SHROOM2: variants seen among roughly 807,000 people sequenced by gnomAD.
The protein encoded by SHROOM2 is shroom family member 2.
Under a neutral mutation model 75.9 loss-of-function variants are expected in SHROOM2, and 33 were observed. The ratio of observed to expected loss-of-function variants is 0.43; its 90% confidence interval spans 0.33 to 0.58. The LOEUF (loss-of-function observed/expected upper bound fraction) is 0.58, where lower values mean the gene tolerates loss of function less well. Among genes scored for constraint, SHROOM2 ranks in the 20% least tolerant of loss-of-function variants. SHROOM2 has a pLI of 0.04. For synonymous variants in SHROOM2, 655 were observed against 663.6 expected (o/e 0.99, Z 0.20); for missense variants, 1,434 against 1,461.2 (o/e 0.98, Z 0.30).
intron 7 of SHROOM2, among the ~76,000 whole-genome samples, chrX:9,938,394 G>T (rs1382721079): frequency 9.1e-6 from 1 of 110,114 alleles, no homozygotes; most frequent in African/African-American, 3.3e-5. Context: ...TCTACAAAAA[G>T]TACAAAAAAT....
At chrX:9,835,170 C>T (rs1247895268) in intron 1 of SHROOM2, among the ~76,000 whole-genome samples, 1 of 112,799 alleles carries the variant, frequency 8.9e-6, no homozygotes, top group Non-Finnish European at 1.9e-5. Context: ...CATATCATTT[C>T]AAACTGGGAG....
At chrX:9,865,911 C>T (rs1391680303) in intron 1 of SHROOM2, among the ~76,000 whole-genome samples, 2 of 109,244 alleles carry the variant, frequency 1.8e-5, no homozygotes, top group Non-Finnish European at 3.8e-5. Context: ...CAGGTTGAGC[C>T]GACAGCCTGG....
chrX:9,830,584 CTTTTTTTTTTTTTTT>C (rs1166769024), intron 1 of SHROOM2, among the ~76,000 whole-genome samples: 524 of 33,671 alleles, frequency 0.016, 11 homozygotes, highest in African/African-American at 0.059. Flanking sequence ...CCCCTGGTTT[CTTTTTTTTTTTTTTT>C]TTTTTTTTTT....
chrX:9,863,190 C>T (rs1165290688), intron 1 of SHROOM2, among the ~76,000 whole-genome samples: 4 of 111,590 alleles, frequency 3.6e-5, no homozygotes, highest in Admixed American at 1.9e-4. Flanking sequence ...CTGCCCGTTT[C>T]TCCCAGTCAC....
chrX:9,891,681 T>TG lies in SHROOM2; in HGVS notation c.449+580dup, dbSNP rs762455951. Among the ~76,000 whole-genome samples, 724 of 110,356 alleles carry TG rather than the reference T, an allele frequency of 6.6e-3. 6 individuals are homozygous for TG. Among genetic ancestry groups the TG allele is most frequent in the African/African-American group, 0.023 (684 of 30,359 alleles). On this transcript the variant is annotated intron_variant, in intron 3 of 9. Transcript: ENST00000380913. ...GTGTATGTTTACGGGTGTGAGTGTG[T>TG]GGGGGGGTGTGAGTGTGCATGTGTA...
Position 9,949,054 on chromosome X carries a change from A to G in SHROOM2, c.*2117A>G. 1 of 198,244 alleles carries G rather than the reference A, an allele frequency of 5.0e-6. No homozygotes were observed. 16.3% of individuals were successfully genotyped at this position (198,244 alleles called of 1,213,427 possible). A position where few individuals can be genotyped will look rare whatever the true frequency, so the allele number is the denominator to read the frequency against. ...CTTTTTAGGACTTTCTCTTCTACAC[A>G]GCAATACGTCGTGCTCGAGTATCCT... On this transcript the variant is annotated 3_prime_UTR_variant, in exon 10 of 10. Transcript: ENST00000380913.
intron 1 of SHROOM2, among the ~76,000 whole-genome samples, chrX:9,848,586 A>G (rs2084020877): frequency 9.3e-6 from 1 of 107,698 alleles, no homozygotes; most frequent in Admixed American, 1.0e-4. Context: ...TAGAGATAAA[A>G]CTCTCTTTAT....
At chrX:9,862,126 G>C (rs769078017) in intron 1 of SHROOM2, among the ~76,000 whole-genome samples, 9 of 111,780 alleles carry the variant, frequency 8.1e-5, no homozygotes, top group African/African-American at 2.9e-4. Context: ...TTTACATTAC[G>C]GCTCTTTGTG....
chrX:9,809,627 T>A (rs374330687), intron 1 of SHROOM2, among the ~76,000 whole-genome samples: 2 of 112,541 alleles, frequency 1.8e-5, no homozygotes, highest in East Asian at 5.6e-4. Context: ...CCAACCCAAA[T>A]ACTATTACAT....
chrX:9,816,994 CGTT>C lies in SHROOM2; in HGVS notation c.165+30287_165+30289del, dbSNP rs749031161. 4.7e-3 allele frequency among the ~76,000 whole-genome samples: 520 copies of C among 110,605 alleles called. 5 individuals carry two copies. Among genetic ancestry groups the C allele is most frequent in the African/African-American group, 0.016 (486 of 30,351 alleles). On this transcript the variant is annotated intron_variant, in intron 1 of 9. Transcript: ENST00000380913. ...TTTTCTTTTTCTTTTTTTTAAGAGA[CGTT>C]GTCCTGCTCTGTTGCCCAAGCTGGA...
intron 1 of SHROOM2, among the ~76,000 whole-genome samples, chrX:9,867,600 TTCCCTAAGGTGCC>T: frequency 9.0e-6 from 1 of 111,356 alleles, no homozygotes; most frequent in East Asian, 2.8e-4. Flanking sequence ...ATGCGGCACC[TTCCCTAAGGTGCC>T]TAATTAAGCC....
intron 1 of SHROOM2, among the ~76,000 whole-genome samples, chrX:9,837,201 G>A (rs779965267): frequency 1.8e-5 from 2 of 112,586 alleles, no homozygotes; most frequent in African/African-American, 6.5e-5. Context: ...GGGGGTCTCG[G>A]CTCTGGAAGT....
chrX:9,891,411 C>T (rs908167255), intron 3 of SHROOM2, among the ~76,000 whole-genome samples: 3 of 112,310 alleles, frequency 2.7e-5, no homozygotes, highest in Non-Finnish European at 5.6e-5. Context: ...CCACGGCACC[C>T]CTCTCCTTTC....
At position 9,908,279 on chromosome X, in the gene SHROOM2, A is replaced by G. The variant is rs1258823166; in HGVS notation, c.2891+9989A>G. 2.7e-5 allele frequency among the ~76,000 whole-genome samples: 3 copies of G among 111,926 alleles called. No individual in the cohort carries two copies. In the East Asian group the frequency reaches 8.4e-4, roughly 31 times the overall value. On this transcript the variant is annotated intron_variant, in intron 5 of 9. Coordinates refer to ENST00000380913, the MANE Select transcript of SHROOM2 (RefSeq NM_001649.4). ...TGTCCTTGGACCACATGGGCTGGGC[A>G]TGCCCCTCAATTCATGGAAAGTGAC...
chrX:9,823,014 TCTCCTTCTC>T (rs1319268229), intron 1 of SHROOM2, among the ~76,000 whole-genome samples: 1 of 63,476 alleles, frequency 1.6e-5, no homozygotes, highest in Admixed American at 2.2e-4. Context: ...TTCTTCTTCT[TCTCCTTCTC>T]CTTCTCCTCC....
At chrX:9,925,797 C>T (rs1217608305) in intron 5 of SHROOM2, among the ~76,000 whole-genome samples, 1 of 112,434 alleles carries the variant, frequency 8.9e-6, no homozygotes, top group African/African-American at 3.2e-5. Context: ...GGAGGAAACA[C>T]CTCAATGTCA....
Position 9,937,235 on chromosome X carries a change from C to T in SHROOM2, c.3689C>T (p.Ala1230Val). The change falls in exon 7 of 10, where the codon GCA becomes GTA. Residue 1230 changes from alanine to valine, a missense_variant. By Grantham distance (64) the Ala-to-Val change is moderately conservative. Coordinates refer to ENST00000380913, the MANE Select transcript of SHROOM2 (RefSeq NM_001649.4). The part of the protein sequence containing the change: ...QPEKESRQSL[A>V]CPAEPPALPH... The stretch of plus-strand genomic sequence containing the variant: ...GAGAAGGAGAGCCGCCAGAGCCTGG[C>T]ATGCCCCGCCGAGCCACCTGCCCTG... The T allele has an allele frequency of 8.3e-7, 1 of 1,207,446 alleles. No individual in the cohort carries two copies. Among genetic ancestry groups the T allele is most frequent in the Admixed American group, 2.2e-5 (1 of 45,596 alleles).
intron 8 of SHROOM2, among the ~76,000 whole-genome samples, chrX:9,941,042 C>T (rs2084764184): frequency 1.8e-5 from 2 of 112,106 alleles, no homozygotes; most frequent in African/African-American, 6.5e-5. Context: ...CTTGGGGCAG[C>T]TCAGAAGGAC....
intron 1 of SHROOM2, among the ~76,000 whole-genome samples, chrX:9,863,438 C>A (rs946369450): frequency 1.8e-5 from 2 of 110,507 alleles, no homozygotes; most frequent in Admixed American, 1.9e-4. Flanking sequence ...TCTCCTCATG[C>A]CTCATCCTCG....
Sources: allele counts gnomAD v4.1 joint callset (sites outside exome capture counted in the v4.1 genomes callset), GRCh38; gene constraint gnomAD v4.1.1; transcripts MANE v1.5; gene names NCBI Gene and HGNC (gene_info 2026-07-23, HGNC 2026-07-21).